The following PNPT1 variants were observed in gnomAD, a reference collection of about 807,000 sequenced individuals.
PNPT1 encodes polyribonucleotide nucleotidyltransferase 1, mitochondrial.
A neutral mutation model predicts 119.5 loss-of-function variants in PNPT1; 53 were observed. The ratio of observed to expected loss-of-function variants is 0.44; its 90% confidence interval spans 0.36 to 0.56. The LOEUF (loss-of-function observed/expected upper bound fraction) is 0.56, where lower values mean the gene tolerates loss of function less well. PNPT1 is among the 20% of genes least tolerant of loss of function. The pLI is 0.00. For synonymous variants in PNPT1, 357 were observed against 322.1 expected, an observed-to-expected ratio of 1.11 and a Z score of -1.16; for missense variants, 948 against 938.5, an observed-to-expected ratio of 1.01 and a Z score of -0.13.
intron 26 of PNPT1, among the ~76,000 whole-genome samples, chr2:55,637,856 C>T (rs540047923): frequency 7.5e-4 from 114 of 151,884 alleles, no homozygotes; most frequent in Admixed American, 2.2e-3. Flanking sequence ...AAAAATTAGC[C>T]GGGCATGGTG....
intron 5 of PNPT1, 45 bp downstream of exon 5, chr2:55,683,740 A>C: frequency 6.5e-7 from 1 of 1,531,774 alleles, no homozygotes; most frequent in South Asian, 1.2e-5. Context: ...TCATTAAGTA[A>C]TTTTTGATTG....
chr2:55,661,987 T>C lies in PNPT1; in HGVS notation c.1216A>G (p.Ile406Val). 1.3e-6 allele frequency: 2 copies of C among 1,576,986 alleles called. No homozygotes were observed. Among genetic ancestry groups the C allele is most frequent in the South Asian group, 2.4e-5 (2 of 82,938 alleles). Residue 406 changes from isoleucine (I) to valine (V), a missense_variant, in exon 14 of 28, where the codon ATT becomes GTT. Physicochemically the swap from Ile to Val is conservative, Grantham distance 29. Transcript: ENST00000447944. ...GCTGTTATAACTTGATCTGACTTAATACCAGATTCTAATGAATCAAATGTA... is the reference window on the plus strand; with the variant it reads ...GCTGTTATAACTTGATCTGACTTAACACCAGATTCTAATGAATCAAATGTA... Reference protein sequence around the residue: ...TVTFDSLESGIKSDQVITAIN... With the variant: ...TVTFDSLESGVKSDQVITAIN...
At chr2:55,647,487 G>A (rs753103374) in intron 18 of PNPT1, 34 bp from the exon 19 acceptor site, 7 of 1,475,996 alleles carry the variant, frequency 4.7e-6, no homozygotes, top group East Asian at 4.5e-5. Context: ...TGTGGGTAAT[G>A]TGTACATGAG....
chr2:55,668,325 C>T (rs2104111417), intron 11 of PNPT1, among the ~76,000 whole-genome samples: 1 of 152,320 alleles, frequency 6.6e-6, no homozygotes, highest in South Asian at 2.1e-4. Flanking sequence ...CAACCTCTGT[C>T]TCCTGGGTTC....
At chr2:55,692,457 T>A (rs1289821635) in intron 1 of PNPT1, among the ~76,000 whole-genome samples, 1 of 152,200 alleles carries the variant, frequency 6.6e-6, no homozygotes, top group Non-Finnish European at 1.5e-5. Context: ...GTAAAAAATT[T>A]AGATATATGA....
At chr2:55,672,091 C>T in intron 9 of PNPT1, 45 bp from the exon 10 acceptor site, 1 of 1,438,626 alleles carries the variant, frequency 7.0e-7, no homozygotes, top group Non-Finnish European at 9.5e-7. Flanking sequence ...TATCTGGAAA[C>T]AAGAGGCAGT....
chr2:55,668,019 TA>T, intron 11 of PNPT1, 61 bp from the exon 12 acceptor site: 1 of 1,397,676 alleles, frequency 7.2e-7, no homozygotes, highest in Non-Finnish European at 9.8e-7. Context: ...AGGATTTCTC[TA>T]AAGTTCATAG....
chr2:55,664,760 A>G (rs1696683953), intron 13 of PNPT1, among the ~76,000 whole-genome samples: 2 of 152,172 alleles, frequency 1.3e-5, no homozygotes, highest in South Asian at 4.1e-4. Flanking sequence ...TAACAAAAGT[A>G]TGCAGAACAT....
At position 55,641,127 on chromosome 2, in the gene PNPT1, G is replaced by T. The variant is rs113607586; in HGVS notation, c.2070-422C>A. On this transcript the variant is annotated intron_variant, in intron 25 of 27. Coordinates refer to ENST00000447944, the MANE Select transcript of PNPT1 (RefSeq NM_033109.5). ...TAATCCCAGCTACTCAGGAGGGTGAGGCAGGAGAATTGTTTGAACCCGAAA... is the reference window on the plus strand; with the variant it reads ...TAATCCCAGCTACTCAGGAGGGTGATGCAGGAGAATTGTTTGAACCCGAAA... Among the ~76,000 whole-genome samples the T allele has an allele frequency of 1.9e-3, 284 of 152,166 alleles. 4 individuals carry two copies. Among genetic ancestry groups the T allele is most frequent in the African/African-American group, 6.2e-3 (256 of 41,530 alleles).
chr2:55,651,885 C>CAAAAAAAAAAAA, intron 18 of PNPT1, among the ~76,000 whole-genome samples: 2 of 119,760 alleles, frequency 1.7e-5, no homozygotes, highest in African/African-American at 3.2e-5. Flanking sequence ...AAAGGAAAGT[C>CAAAAAAAAAAAA]AAAAAAAAAA....
chr2:55,677,762 CAG>C (rs1405394293), intron 8 of PNPT1, among the ~76,000 whole-genome samples: 2 of 151,666 alleles, frequency 1.3e-5, no homozygotes, highest in African/African-American at 2.4e-5. Context: ...TTTTTTGAGA[CAG>C]AGTCTCGCTC....
chr2:55,646,231 G>A, intron 21 of PNPT1, 28 bp downstream of exon 21: 1 of 1,581,714 alleles, frequency 6.3e-7, no homozygotes. Context: ...GGAAAAGAAT[G>A]AAGGGAGAAT....
At chr2:55,664,099 G>T (rs986678829) in intron 13 of PNPT1, among the ~76,000 whole-genome samples, 3 of 152,118 alleles carry the variant, frequency 2.0e-5, no homozygotes, top group Admixed American at 6.5e-5. Flanking sequence ...CACCAGAAAT[G>T]GTAAATATGT....
chr2:55,671,370 T>G lies in PNPT1; in HGVS notation c.925A>C (p.Arg309=). The change falls in exon 11 of 28, where the codon AGA becomes CGA. Residue 309 remains arginine (R), a synonymous_variant. Transcript: ENST00000447944. ...CTTATTTTGTTAACAGCTTCATCTC[T>G]GGAAACCTAAAAGAAAGTTGAGGTT... ...FTDYEHDKVS[R]DEAVNKIRLD... 1 of 1,529,350 alleles carries G rather than the reference T, an allele frequency of 6.5e-7. No individual in the cohort carries two copies. The highest frequency in any genetic ancestry group is 8.8e-7 in the Non-Finnish European group (1 of 1,134,730). 94.7% of individuals were successfully genotyped at this position (1,529,350 alleles called of 1,614,324 possible).
intron 25 of PNPT1, among the ~76,000 whole-genome samples, chr2:55,641,282 C>CT (rs1695826865): frequency 8.8e-6 from 1 of 114,262 alleles, no homozygotes; most frequent in Non-Finnish European, 1.7e-5. Context: ...TTTCCAAAAA[C>CT]ATTTTTTTTT....
chr2:55,655,029 C>A, intron 17 of PNPT1, 76 bp from the exon 18 acceptor site: 1 of 1,300,330 alleles, frequency 7.7e-7, no homozygotes, highest in South Asian at 1.3e-5. Flanking sequence ...TGGTTATTTC[C>A]TTATAAATAT....
intron 26 of PNPT1, among the ~76,000 whole-genome samples, chr2:55,638,578 G>A (rs1325690660): frequency 5.3e-5 from 8 of 152,084 alleles, no homozygotes; most frequent in African/African-American, 1.9e-4. Flanking sequence ...GAGCCTGGGA[G>A]GCTGAGGCTG....
At chr2:55,661,193 C>T (rs532449170) in intron 14 of PNPT1, among the ~76,000 whole-genome samples, 184 of 150,068 alleles carry the variant, frequency 1.2e-3, no homozygotes, top group Non-Finnish European at 2.4e-3. Flanking sequence ...CCTGGGTTCA[C>T]GCCATTCTCC....
intron 25 of PNPT1, 57 bp downstream of exon 25, chr2:55,643,101 G>A (rs947782172): frequency 6.3e-7 from 1 of 1,575,782 alleles, no homozygotes; most frequent in Non-Finnish European, 8.7e-7. Context: ...GTGGCAGGGT[G>A]AGACCCTGTC....
Sources: allele counts gnomAD v4.1 joint callset (sites outside exome capture counted in the v4.1 genomes callset), GRCh38; gene constraint gnomAD v4.1.1; transcripts MANE v1.5; gene names NCBI Gene and HGNC (gene_info 2026-07-23, HGNC 2026-07-21).